ENG: variants seen among roughly 807,000 people sequenced by gnomAD.
The protein encoded by ENG is endoglin.
A neutral mutation model predicts 71.0 loss-of-function variants in ENG; 17 were observed. That is an observed-to-expected ratio of 0.24 (90% CI 0.16 to 0.36). The LOEUF is 0.36. Ranked by LOEUF, ENG falls within the 10% of genes least tolerant of loss-of-function variation. The pLI, the probability that ENG is intolerant of heterozygous loss-of-function variation, is 1.00. For synonymous variants in ENG, 360 were observed against 366.9 expected, an observed-to-expected ratio of 0.98 and a Z score of 0.21; for missense variants, 749 against 868.3, an observed-to-expected ratio of 0.86 and a Z score of 1.73.
intron 2 of ENG, among the ~76,000 whole-genome samples, chr9:127,832,127 T>A (rs1252007749): frequency 7.2e-6 from 1 of 138,346 alleles, no homozygotes; most frequent in Non-Finnish European, 1.5e-5. Context: ...CCAGGCTGGA[T>A]TGCAGTGGCA....
At chr9:127,841,379 A>T (rs983112637) in intron 2 of ENG, among the ~76,000 whole-genome samples, 4 of 152,166 alleles carry the variant, frequency 2.6e-5, no homozygotes, top group African/African-American at 9.7e-5. Context: ...AGTATTGAGC[A>T]ATTAGGGTTG....
In ENG at chr9:127,825,710, G is replaced by C. The variant is rs781715616; in HGVS notation, c.674C>G (p.Pro225Arg). ...AGAGCCATACCCGGCCGAGTGGCCC[G>C]GCAGGACCCTCAGGATGTGCGCCTC... Reference protein sequence around the residue: ...HKEAHILRVLPGHSAGPRTVT... With the variant: ...HKEAHILRVLRGHSAGPRTVT... The change falls in exon 5 of 15, where the codon CCG (proline) becomes CGG (arginine). Residue 225 changes from proline to arginine, a missense_variant. Coordinates refer to ENST00000373203, the MANE Select transcript of ENG (RefSeq NM_001114753.3). 1 of 1,586,488 alleles carries C rather than the reference G, an allele frequency of 6.3e-7. No individual in the cohort carries two copies. Among genetic ancestry groups the C allele is most frequent in the Non-Finnish European group, 8.5e-7 (1 of 1,169,652 alleles).
intron 10 of ENG, chr9:127,819,173 G>A (rs889748626): frequency 2.6e-4 from 88 of 343,230 alleles, no homozygotes; most frequent in Middle Eastern, 1.9e-3. Context: ...TCTTCACCTC[G>A]TGATCTGCCC....
chr9:127,845,603 G>A (rs1564463709), intron 1 of ENG, among the ~76,000 whole-genome samples: 2 of 152,182 alleles, frequency 1.3e-5, no homozygotes, highest in Non-Finnish European at 2.9e-5. Context: ...CACCTCTTGG[G>A]GCTTCAATAC....
At chr9:127,819,479 A>G (rs1164975561) in intron 10 of ENG, 143 bp downstream of exon 10, 7 of 1,089,654 alleles carry the variant, frequency 6.4e-6, no homozygotes, top group Admixed American at 2.0e-5. Context: ...CTCCGGTCAT[A>G]CAGAAGGGGA....
intron 12 of ENG, 60 bp from the exon 13 acceptor site, chr9:127,817,263 C>T: frequency 6.3e-7 from 1 of 1,585,278 alleles, no homozygotes. Context: ...CAGGTTTACT[C>T]CCTGGCTCCG....
At chr9:127,820,564 C>T (rs1254240964) in intron 8 of ENG, among the ~76,000 whole-genome samples, 2 of 151,536 alleles carry the variant, frequency 1.3e-5, no homozygotes, top group East Asian at 3.9e-4. Context: ...TACGGTGGCT[C>T]ACGCCTGTAA....
At chr9:127,819,212 C>T in intron 10 of ENG, 2 of 331,560 alleles carry the variant, frequency 6.0e-6, no homozygotes, top group South Asian at 2.8e-5. Flanking sequence ...GCTGCGATTA[C>T]AGGCGTGAGC....
chr9:127,820,870 C>T (rs1830453357), intron 8 of ENG, among the ~76,000 whole-genome samples: 2 of 152,030 alleles, frequency 1.3e-5, no homozygotes, highest in South Asian at 2.1e-4. Flanking sequence ...TCAAGTTCCA[C>T]ATATAATCAT....
intron 3 of ENG, chr9:127,827,132 G>T: frequency 6.2e-6 from 1 of 160,652 alleles, no homozygotes; most frequent in Non-Finnish European, 1.4e-5. Flanking sequence ...CCCATCACAG[G>T]ATCCTGACAT....
rs1452370920 is a variant in ENG, at chr9:127,846,430, G to A, written c.68-3185C>T. Reference sequence around the variant, plus strand: ...CCCAGTGTCTGGCCTGCAGATTATCGCAGCGCCTCCCTCCTTCCCTTTGGG... The same window carrying A: ...CCCAGTGTCTGGCCTGCAGATTATCACAGCGCCTCCCTCCTTCCCTTTGGG... On this transcript the variant is annotated intron_variant, in intron 1 of 14. Transcript: ENST00000373203. The surrounding 1 kb of genome is among the most constrained non-coding windows in gnomAD (Gnocchi z 5.5). 2.0e-5 allele frequency among the ~76,000 whole-genome samples: 3 copies of A among 152,088 alleles called. No individual in the cohort carries two copies. Among genetic ancestry groups the A allele is most frequent in the Non-Finnish European group, 4.4e-5 (3 of 68,002 alleles).
At position 127,836,687 on chromosome 9, in the gene ENG, C is replaced by T. The variant is rs1325344538; in HGVS notation, c.219+6407G>A. Among the ~76,000 whole-genome samples, 1 of 152,250 alleles carries T rather than the reference C, an allele frequency of 6.6e-6. No individual in the cohort carries two copies. Among genetic ancestry groups the T allele is most frequent in the African/African-American group, 2.4e-5 (1 of 41,472 alleles). ...CTATGCCTCTCTGGGCCTCAGTTTC[C>T]TGATTTGGAAAATGGTATTCCCACT... On this transcript the variant is annotated intron_variant, in intron 2 of 14. Transcript: ENST00000373203. The surrounding 1 kb of genome is among the most constrained non-coding windows in gnomAD (Gnocchi z 4.0).
chr9:127,822,292 T>G (rs1389079802), intron 8 of ENG: 5 of 152,212 alleles, frequency 3.3e-5, no homozygotes. Context: ...GAACGCCATG[T>G]GCCTCTTCCC....
intron 2 of ENG, among the ~76,000 whole-genome samples, chr9:127,842,035 A>AG (rs924837322): frequency 8.5e-5 from 13 of 152,138 alleles, no homozygotes; most frequent in Non-Finnish European, 1.9e-4. Flanking sequence ...CGCTTAACAA[A>AG]GGTGTTGTTA....
chr9:127,834,966 A>G (rs1830861651), intron 2 of ENG, among the ~76,000 whole-genome samples: 1 of 151,850 alleles, frequency 6.6e-6, no homozygotes, highest in South Asian at 2.1e-4. Context: ...TTTTCAAAAT[A>G]TATTGTTTCA....
intron 1 of ENG, among the ~76,000 whole-genome samples, chr9:127,850,181 A>T (rs1831256138): frequency 1.3e-5 from 2 of 152,168 alleles, no homozygotes; most frequent in Non-Finnish European, 2.9e-5. Context: ...CAGGTCACAA[A>T]AGTTGTGGGG....
rs895528862 is a variant in ENG, at chr9:127,839,835, T to C, written c.219+3259A>G. Among the ~76,000 whole-genome samples the C allele has an allele frequency of 3.3e-5, 5 of 152,048 alleles. No homozygotes were observed. In the South Asian group the frequency reaches 8.3e-4, roughly 25 times the overall value. On this transcript the variant is annotated intron_variant, in intron 2 of 14. Coordinates refer to ENST00000373203, the MANE Select transcript of ENG (RefSeq NM_001114753.3). ...CCTCGCAAAGTGCTGGGATTACAGG[T>C]GTGAGCCACTGCGCCTGACCTGCCC...
At chr9:127,818,433 C>A in intron 11 of ENG, 56 bp from the exon 12 acceptor site, 1 of 1,604,040 alleles carries the variant, frequency 6.2e-7, no homozygotes, top group South Asian at 1.1e-5. Context: ...CCCCACCCCA[C>A]CTGCTGCCTT....
chr9:127,825,554 CTG>C (rs1830590269), intron 5 of ENG, 139 bp downstream of exon 5: 2 of 1,230,990 alleles, frequency 1.6e-6, no homozygotes, highest in Admixed American at 2.3e-5. Flanking sequence ...GAGAAAGCGA[CTG>C]TGCTCTCACA....
Sources: allele counts gnomAD v4.1 joint callset (sites outside exome capture counted in the v4.1 genomes callset), GRCh38; gene constraint gnomAD v4.1.1; non-coding constraint Gnocchi (gnomAD v3.1); transcripts MANE v1.5; gene names NCBI Gene and HGNC (gene_info 2026-07-23, HGNC 2026-07-21).